TSPYL4: variants seen among roughly 807,000 people sequenced by gnomAD.
TSPYL4 encodes the protein testis-specific Y-encoded-like protein 4.
TSPYL4 carries 22 observed loss-of-function variants against 24.2 expected under a neutral mutation model. That is an observed-to-expected ratio of 0.91 (90% CI 0.65 to 1.30). The LOEUF is 1.30. Among genes scored for constraint, TSPYL4 ranks in the 50% most tolerant of loss-of-function variants. TSPYL4 has a pLI of 0.00. For synonymous variants in TSPYL4, 211 were observed against 208.2 expected, an observed-to-expected ratio of 1.01 and a Z score of -0.12; for missense variants, 569 against 536.7, an observed-to-expected ratio of 1.06 and a Z score of -0.60.
chr6:116,252,574 C>A lies in TSPYL4; in HGVS notation c.*190G>T, dbSNP rs1419710427. 1.5e-5 allele frequency: 10 copies of A among 679,722 alleles called. No homozygotes were observed. The East Asian group carries it at 2.7e-4, about 19-fold the overall frequency. The allele number at this position is 679,722 out of a possible 1,614,324, so 42.1% of individuals were successfully genotyped here. On this transcript the variant is annotated 3_prime_UTR_variant, in exon 1 of 1. Transcript: ENST00000420283. ...ACACAATGCAGAAAAGCATGAAGGC[C>A]CAGAGGAAGAATGGCACAGGCAGGT...
chr6:116,250,878 CATG>C lies in TSPYL4; in HGVS notation c.*1883_*1885del, dbSNP rs1156241445. The C allele has an allele frequency of 1.1e-5, 3 of 263,008 alleles. No homozygotes were observed. The highest frequency in any genetic ancestry group is 1.4e-5 in the Non-Finnish European group (2 of 140,856). The allele number at this position is 263,008 out of a possible 1,614,324, so 16.3% of individuals were successfully genotyped here. ...ATGGTGGATGGTCTTTATCACCACA[CATG>C]ATCATAACTAAGCCTTGACGGCATC... is the stretch of plus-strand genomic sequence containing the variant. On this transcript the variant is annotated 3_prime_UTR_variant, in exon 1 of 1. Transcript: ENST00000420283.
chr6:116,253,015 A>G lies in TSPYL4; in HGVS notation c.994T>C (p.Trp332Arg). Reference sequence around the variant, plus strand: ...GCCTGGGGGTCTTGGCCTCGGTGCCAGCGGATTGGAGTGGAAAGAGACACC... The same window carrying G: ...GCCTGGGGGTCTTGGCCTCGGTGCCGGCGGATTGGAGTGGAAAGAGACACC... The part of the protein sequence containing the change: ...RVVSLSTPIR[W>R]HRGQDPQAHI... Residue 332 changes from tryptophan to arginine, a missense_variant, in exon 1 of 1, where the codon TGG (tryptophan) becomes CGG (arginine). Coordinates refer to ENST00000420283, the MANE Select transcript of TSPYL4 (RefSeq NM_021648.5). The surrounding 1 kb of genome is among the most constrained non-coding windows in gnomAD (Gnocchi z 4.3). The G allele has an allele frequency of 1.2e-6, 2 of 1,614,170 alleles. No homozygotes were observed. Among genetic ancestry groups the G allele is most frequent in the Non-Finnish European group, 1.7e-6 (2 of 1,180,032 alleles).
In TSPYL4 at chr6:116,253,730, A is replaced by G. The variant is rs750305381; in HGVS notation, c.279T>C (p.Ala93=). The change falls in exon 1 of 1, where the codon GCT becomes GCC. Residue 93 remains alanine, a synonymous_variant. Coordinates refer to ENST00000420283, the MANE Select transcript of TSPYL4 (RefSeq NM_021648.5). This position sits in a 1 kb window ranked among gnomAD's most constrained non-coding sequence, Gnocchi z 4.3. ...GAATKAGQED[A]PPSTKGLEAA... ...CTTCCAGACCTTTCGTAGAAGGTGGAGCATCCTCCTGCCCGGCTTTGGTCG... is the reference window on the plus strand; with the variant it reads ...CTTCCAGACCTTTCGTAGAAGGTGGGGCATCCTCCTGCCCGGCTTTGGTCG... The G allele has an allele frequency of 6.3e-7, 1 of 1,580,842 alleles. No individual in the cohort carries two copies. Among genetic ancestry groups the G allele is most frequent in the Non-Finnish European group, 8.6e-7 (1 of 1,162,142 alleles).
chr6:116,253,646 C>A lies in TSPYL4; in HGVS notation c.363G>T (p.Glu121Asp). 1 of 1,554,358 alleles carries A rather than the reference C, an allele frequency of 6.4e-7. No individual in the cohort carries two copies. The highest frequency in any genetic ancestry group is 8.7e-7 in the Non-Finnish European group (1 of 1,147,470). ...CCTTCTGCCCAGCAGGGCCACGGGGCTCTCCAAGCTGACAGCCATTTTTCT... is the reference window on the plus strand; with the variant it reads ...CCTTCTGCCCAGCAGGGCCACGGGGATCTCCAAGCTGACAGCCATTTTTCT... ...SSQKNGCQLG[E>D]PRGPAGQKAL... is the part of the protein sequence containing the mutation. Residue 121 changes from glutamate (E) to aspartate (D), a missense_variant, in exon 1 of 1, where the codon GAG (glutamate) becomes GAT (aspartate). Physicochemically the swap from Glu to Asp is conservative, Grantham distance 45. Coordinates refer to ENST00000420283, the MANE Select transcript of TSPYL4 (RefSeq NM_021648.5). This position sits in a 1 kb window ranked among gnomAD's most constrained non-coding sequence, Gnocchi z 4.3.
At position 116,254,049 on chromosome 6, in the gene TSPYL4, G is replaced by C. The variant is rs572966412; in HGVS notation, c.-41C>G. 2.0e-6 allele frequency: 3 copies of C among 1,525,340 alleles called. No homozygotes were observed. In the African/African-American group the frequency reaches 4.2e-5, roughly 21 times the overall value. The allele number at this position is 1,525,340 out of a possible 1,614,324, so 94.5% of individuals were successfully genotyped here. ...ACTAGTGGGAGAGGGAGAGTTCCTT[G>C]TCCTCCGCAGCGGCCGAGCTCTGCC... On this transcript the variant is annotated 5_prime_UTR_variant, in exon 1 of 1. Transcript: ENST00000420283.
chr6:116,253,228 G>T lies in TSPYL4; in HGVS notation c.781C>A (p.His261Asn). 1.2e-6 allele frequency: 2 copies of T among 1,613,960 alleles called. No homozygotes were observed. The highest frequency in any genetic ancestry group is 1.7e-6 in the Non-Finnish European group (2 of 1,179,916). ...PGFWVTAFRN[H>N]PQLSPMISGQ... Reference sequence around the variant, plus strand: ...CTGATCATAGGTGACAGCTGGGGGTGGTTTCGAAAGGCAGTAACCCAGAAA... The same window carrying T: ...CTGATCATAGGTGACAGCTGGGGGTTGTTTCGAAAGGCAGTAACCCAGAAA... Residue 261 changes from histidine (H) to asparagine (N), a missense_variant, in exon 1 of 1, where the codon CAC becomes AAC. Transcript: ENST00000420283. The surrounding 1 kb of genome is among the most constrained non-coding windows in gnomAD (Gnocchi z 4.3).
chr6:116,250,502 T>G lies in TSPYL4; in HGVS notation c.*2262A>C, dbSNP rs1771930240. On this transcript the variant is annotated 3_prime_UTR_variant, in exon 1 of 1. Coordinates refer to ENST00000420283, the MANE Select transcript of TSPYL4 (RefSeq NM_021648.5). ...CATTAATCTTCCACACATATAAAGG[T>G]CACTCCTAGGATAATTGAGAGAAAA... The G allele has an allele frequency of 6.6e-6, 1 of 152,552 alleles. No individual in the cohort carries two copies. Among genetic ancestry groups the G allele is most frequent in the Non-Finnish European group, 1.5e-5 (1 of 68,036 alleles). The allele number at this position is 152,552 out of a possible 1,614,324, so 9.4% of individuals were successfully genotyped here. A position where few individuals can be genotyped will look rare whatever the true frequency, so the allele number is the denominator to read the frequency against.
Position 116,253,598 on chromosome 6 carries a change from C to G in TSPYL4, c.411G>C (p.Gly137=), listed in dbSNP as rs1772011184. The change falls in exon 1 of 1, where the codon GGG becomes GGC. Residue 137 remains glycine, a synonymous_variant. Coordinates refer to ENST00000420283, the MANE Select transcript of TSPYL4 (RefSeq NM_021648.5). The surrounding 1 kb of genome is among the most constrained non-coding windows in gnomAD (Gnocchi z 4.3). ...CCGGTATCATCTGAGACCCCAAGCC[C>G]CCTGCGCCACAGGCTTCTAGAGCCT... ...GQKALEACGA[G]GLGSQMIPGK... The G allele has an allele frequency of 6.4e-7, 1 of 1,552,630 alleles. No individual in the cohort carries two copies. Among genetic ancestry groups the G allele is most frequent in the Non-Finnish European group, 8.7e-7 (1 of 1,147,322 alleles).
At position 116,249,988 on chromosome 6, in the gene TSPYL4, G is replaced by T. The variant is rs550126798; in HGVS notation, c.*2776C>A. 6.7e-6 allele frequency: 1 copy of T among 150,126 alleles called. No homozygotes were observed. Among genetic ancestry groups the T allele is most frequent in the Admixed American group, 6.7e-5 (1 of 15,028 alleles). 9.3% of individuals were successfully genotyped at this position (150,126 alleles called of 1,614,324 possible). On this transcript the variant is annotated 3_prime_UTR_variant, in exon 1 of 1. Coordinates refer to ENST00000420283, the MANE Select transcript of TSPYL4 (RefSeq NM_021648.5). ...ATTTTTTAAATTATTTTTATTTTTT[G>T]ATGAAAACAAGAAATACGGTAGTGA...
rs1397082617 is a variant in TSPYL4, at chr6:116,253,713, C to A, written c.296G>T (p.Gly99Val). ...GQEDAPPSTKGLEAASAAEAA... is the reference protein window; with the variant it reads ...GQEDAPPSTKVLEAASAAEAA... Reference sequence around the variant, plus strand: ...CTCGGCGGCAGAGGCTGCTTCCAGACCTTTCGTAGAAGGTGGAGCATCCTC... The same window carrying A: ...CTCGGCGGCAGAGGCTGCTTCCAGAACTTTCGTAGAAGGTGGAGCATCCTC... The change falls in exon 1 of 1, where the codon GGT becomes GTT. Residue 99 changes from glycine to valine, a missense_variant. Physicochemically the swap from Gly to Val is moderately radical, Grantham distance 109. Coordinates refer to ENST00000420283, the MANE Select transcript of TSPYL4 (RefSeq NM_021648.5). The surrounding 1 kb of genome is among the most constrained non-coding windows in gnomAD (Gnocchi z 4.3). 2 of 1,570,450 alleles carry A rather than the reference C, an allele frequency of 1.3e-6. No individual in the cohort carries two copies. Among genetic ancestry groups the A allele is most frequent in the African/African-American group, 1.4e-5 (1 of 74,028 alleles).
In TSPYL4 at chr6:116,252,995, G is replaced by C. The variant is rs528059312; in HGVS notation, c.1014C>G (p.Pro338=). The part of the protein sequence containing the change: ...TPIRWHRGQD[P]QAHIHRNREG... ...CCCGGTTTCTGTGGATATGAGCCTG[G>C]GGGTCTTGGCCTCGGTGCCAGCGGA... The change falls in exon 1 of 1, where the codon CCC becomes CCG. Residue 338 remains proline (P), a synonymous_variant. Transcript: ENST00000420283. The C allele has an allele frequency of 1.1e-5, 18 of 1,614,068 alleles. No individual in the cohort carries two copies. In the East Asian group the frequency reaches 1.6e-4, roughly 14 times the overall value.
Position 116,253,156 on chromosome 6 carries a change from C to A in TSPYL4, c.853G>T (p.Glu285Ter), listed in dbSNP as rs768444443. The A allele has an allele frequency of 1.2e-6, 2 of 1,614,008 alleles. No homozygotes were observed. Among genetic ancestry groups the A allele is most frequent in the Non-Finnish European group, 1.7e-6 (2 of 1,179,932 alleles). Residue 285 changes from glutamate to a stop codon, truncating the protein, a stop_gained, in exon 1 of 1, where the codon GAG becomes TAG. Transcript: ENST00000420283. LOFTEE classifies it high-confidence loss of function. The surrounding 1 kb of genome is among the most constrained non-coding windows in gnomAD (Gnocchi z 4.3). ...MLRYMINLEV[E>*]ELKHPRAGCK... is the part of the protein sequence containing the mutation. ...CCTGCTCTGGGGTGTTTAAGCTCCT[C>A]CACCTCCAAATTGATCATGTACCTC...
At position 116,250,982 on chromosome 6, in the gene TSPYL4, C is replaced by T. The variant is rs908139105; in HGVS notation, c.*1782G>A. The T allele has an allele frequency of 2.6e-6, 1 of 387,740 alleles. No homozygotes were observed. The highest frequency in any genetic ancestry group is 4.5e-6 in the Non-Finnish European group (1 of 219,972). 24.0% of individuals were successfully genotyped at this position (387,740 alleles called of 1,614,324 possible). A position where few individuals can be genotyped will look rare whatever the true frequency, so the allele number is the denominator to read the frequency against. ...CATCCCCTTATCCCCTACAAGGAGG[C>T]TGGAGATCTTCCACAATGCAGGCTG... On this transcript the variant is annotated 3_prime_UTR_variant, in exon 1 of 1. Coordinates refer to ENST00000420283, the MANE Select transcript of TSPYL4 (RefSeq NM_021648.5).
Position 116,253,001 on chromosome 6 carries a change from T to C in TSPYL4, c.1008A>G (p.Gln336=). The change falls in exon 1 of 1, where the codon CAA becomes CAG. Residue 336 remains glutamine (Q), a synonymous_variant. Coordinates refer to ENST00000420283, the MANE Select transcript of TSPYL4 (RefSeq NM_021648.5). This position sits in a 1 kb window ranked among gnomAD's most constrained non-coding sequence, Gnocchi z 4.3. ...LSTPIRWHRG[Q]DPQAHIHRNR... ...TTCTGTGGATATGAGCCTGGGGGTC[T>C]TGGCCTCGGTGCCAGCGGATTGGAG... The C allele has an allele frequency of 6.2e-7, 1 of 1,614,170 alleles. No homozygotes were observed. The highest frequency in any genetic ancestry group is 8.5e-7 in the Non-Finnish European group (1 of 1,180,032).
chr6:116,250,564 G>A lies in TSPYL4; in HGVS notation c.*2200C>T, dbSNP rs1771931692. 6.6e-6 allele frequency: 1 copy of A among 152,326 alleles called. No homozygotes were observed. The allele number at this position is 152,326 out of a possible 1,614,324, so 9.4% of individuals were successfully genotyped here. On this transcript the variant is annotated 3_prime_UTR_variant, in exon 1 of 1. Transcript: ENST00000420283. ...ATTTTGTTTACAAAAATCTACTGGT[G>A]AATTCAAGGACTTAGGAAAAATTGA...
Position 116,253,955 on chromosome 6 carries a change from C to G in TSPYL4, c.54G>C (p.Leu18=), listed in dbSNP as rs756388718. ...NKLPLAQTGG[L]AAPDHASGDP... is the part of the protein sequence containing the mutation. ...CTCCTGAGGCATGGTCGGGAGCAGC[C>G]AGGCCGCCGGTTTGGGCGAGAGGGA... Residue 18 remains leucine, a synonymous_variant, in exon 1 of 1, where the codon CTG becomes CTC. Coordinates refer to ENST00000420283, the MANE Select transcript of TSPYL4 (RefSeq NM_021648.5). The surrounding 1 kb of genome is among the most constrained non-coding windows in gnomAD (Gnocchi z 4.3). 1.2e-5 allele frequency: 19 copies of G among 1,604,018 alleles called. No individual in the cohort carries two copies. The South Asian group carries it at 1.7e-4, about 14-fold the overall frequency.
At position 116,252,584 on chromosome 6, in the gene TSPYL4, A is replaced by T. The variant is rs2114576475; in HGVS notation, c.*180T>A. On this transcript the variant is annotated 3_prime_UTR_variant, in exon 1 of 1. Coordinates refer to ENST00000420283, the MANE Select transcript of TSPYL4 (RefSeq NM_021648.5). ...GAAAAGCATGAAGGCCCAGAGGAAG[A>T]ATGGCACAGGCAGGTAAGCCAACAA... The T allele has an allele frequency of 1.4e-6, 1 of 730,876 alleles. No homozygotes were observed. Among genetic ancestry groups the T allele is most frequent in the East Asian group, 2.7e-5 (1 of 36,842 alleles). The allele number at this position is 730,876 out of a possible 1,614,324, so 45.3% of individuals were successfully genotyped here.
rs17553296 is a variant in TSPYL4, at chr6:116,253,992, C to G, written c.17G>C (p.Gly6Ala). MSGLD[G>A]GNKLPLAQTG... is the part of the protein sequence containing the mutation. ...TTGGGCGAGAGGGAGCTTGTTGCCC[C>G]CATCCAGGCCGCTCATTTTGGAAGA... is the stretch of plus-strand genomic sequence containing the variant. The change falls in exon 1 of 1, where the codon GGG (glycine) becomes GCG (alanine). Residue 6 changes from glycine to alanine, a missense_variant. Physicochemically the swap from Gly to Ala is moderately conservative, Grantham distance 60. Transcript: ENST00000420283. This position sits in a 1 kb window ranked among gnomAD's most constrained non-coding sequence, Gnocchi z 4.3. 12 of 1,574,522 alleles carry G rather than the reference C, an allele frequency of 7.6e-6. No individual in the cohort carries two copies. The East Asian group carries it at 2.5e-4, about 32-fold the overall frequency.
chr6:116,253,573 C>T lies in TSPYL4; in HGVS notation c.436G>A (p.Gly146Arg), dbSNP rs201753263. The T allele has an allele frequency of 6.4e-6, 10 of 1,552,074 alleles. No homozygotes were observed. Among genetic ancestry groups the T allele is most frequent in the Admixed American group, 3.9e-5 (2 of 51,038 alleles). ...GTCGTCACTTCCTTGGCCTTCTTCCCCGGTATCATCTGAGACCCCAAGCCC... is the reference window on the plus strand; with the variant it reads ...GTCGTCACTTCCTTGGCCTTCTTCCTCGGTATCATCTGAGACCCCAAGCCC... ...AGGLGSQMIP[G>R]KKAKEVTTKK... Residue 146 changes from glycine (G) to arginine (R), a missense_variant, in exon 1 of 1, where the codon GGG becomes AGG. Coordinates refer to ENST00000420283, the MANE Select transcript of TSPYL4 (RefSeq NM_021648.5). The surrounding 1 kb of genome is among the most constrained non-coding windows in gnomAD (Gnocchi z 4.3).
Sources: gnomAD v4.1 joint callset for allele counts on GRCh38, gnomAD v4.1.1 for gene constraint, Gnocchi (gnomAD v3.1) non-coding constraint, MANE v1.5 for transcripts, NCBI Gene and HGNC (gene_info 2026-07-23, HGNC 2026-07-21) for gene names.